Variants in FRAS1 observed in about 807,000 individuals in gnomAD.
FRAS1 encodes extracellular matrix organizing protein FRAS1.
In FRAS1, 290 loss-of-function variants were observed where a neutral mutation model predicts 435.2. The ratio of observed to expected loss-of-function variants is 0.67; its 90% CI spans 0.61 to 0.73. The LOEUF (loss-of-function observed/expected upper bound fraction) is 0.73, where lower values mean the gene tolerates loss of function less well. Ranked by LOEUF, FRAS1 falls within the 30% of genes least tolerant of loss-of-function variation. The pLI, the probability that FRAS1 is intolerant of heterozygous loss-of-function variation, is 0.00. For synonymous variants in FRAS1, 1,800 were observed against 1,851.0 expected (o/e 0.97, Z 0.71); for missense variants, 4,860 against 5,001.5 (o/e 0.97, Z 0.85).
chr4:78,316,390 T>C (rs977208127), intron 16 of FRAS1, among the ~76,000 whole-genome samples: 1 of 152,214 alleles, frequency 6.6e-6, no homozygotes. Context: ...GTCTACCTAC[T>C]GTCTGTTAGT....
intron 32 of FRAS1, among the ~76,000 whole-genome samples, chr4:78,415,248 T>A (rs185230366): frequency 1.4e-4 from 22 of 152,300 alleles, no homozygotes; most frequent in Non-Finnish European, 2.5e-4. Context: ...GATAAAAGAC[T>A]ACAAATTGAG....
intron 32 of FRAS1, among the ~76,000 whole-genome samples, chr4:78,417,027 T>A (rs1424125188): frequency 6.6e-6 from 1 of 152,234 alleles, no homozygotes; most frequent in Non-Finnish European, 1.5e-5. Context: ...CAATGATTTC[T>A]ATGAAGTTTA....
intron 2 of FRAS1, among the ~76,000 whole-genome samples, chr4:78,086,629 C>A (rs1184579445): frequency 6.6e-6 from 1 of 152,152 alleles, no homozygotes; most frequent in Non-Finnish European, 1.5e-5. Context: ...AAACTACCAT[C>A]AGAGAATACT....
rs1321917625 is a variant in FRAS1 at position 78,446,803 on chromosome 4, A to G, written c.5933A>G (p.Asn1978Ser). 6.2e-7 allele frequency: 1 copy of G among 1,613,332 alleles called. No homozygotes were observed. The highest frequency in any genetic ancestry group is 2.2e-5 in the East Asian group (1 of 44,852). Residue 1978 changes from asparagine (N) to serine (S), a missense_variant, in exon 43 of 74, where the codon AAT becomes AGT. By Grantham distance (46) the Asn-to-Ser change is conservative (BLOSUM62 1). Coordinates refer to ENST00000512123, the MANE Select transcript of FRAS1 (RefSeq NM_025074.7). The part of the protein sequence containing the change: ...VQLSSGVVIS[N>S]SSLSLQDLDT... ...CTGAGCTCGGGAGTGGTGATAAGCA[A>G]TTCTTCTTTGAGCCTGCAAGACCTG...
intron 14 of FRAS1, among the ~76,000 whole-genome samples, chr4:78,301,910 T>A (rs190680100): frequency 6.0e-5 from 9 of 150,332 alleles, no homozygotes; most frequent in Non-Finnish European, 8.8e-5. Context: ...ATGTGCTGGT[T>A]AGTTACATAC....
At chr4:78,143,441 A>T (rs1481371476) in intron 2 of FRAS1, among the ~76,000 whole-genome samples, 1 of 152,200 alleles carries the variant, frequency 6.6e-6, no homozygotes, top group African/African-American at 2.4e-5. Flanking sequence ...CAATCAGAGG[A>T]TATAGAAAAT....
At chr4:78,357,252 A>G (rs528747999) in intron 20 of FRAS1, among the ~76,000 whole-genome samples, 38 of 152,154 alleles carry the variant, frequency 2.5e-4, no homozygotes, top group African/African-American at 8.0e-4. Context: ...GCACCCTATC[A>G]TTATCCCTGT....
chr4:78,141,475 T>C lies in FRAS1; in HGVS notation c.108+75459T>C, dbSNP rs371315295. 5.9e-5 allele frequency among the ~76,000 whole-genome samples: 9 copies of C among 152,024 alleles called. No homozygotes were observed. In the East Asian group the frequency reaches 1.2e-3, roughly 20 times the overall value. On this transcript the variant is annotated intron_variant, in intron 2 of 73. Transcript: ENST00000512123. ...TCTCCCACTAAAAACAACTAGAAAA[T>C]ATGGAGAAAATATGAAAAATCTTCT... is the stretch of plus-strand genomic sequence containing the variant.
At chr4:78,177,473 A>C (rs1721824746) in intron 2 of FRAS1, among the ~76,000 whole-genome samples, 1 of 152,048 alleles carries the variant, frequency 6.6e-6, no homozygotes, top group East Asian at 1.9e-4. Flanking sequence ...GTGGTTGGGG[A>C]CATTGGTCTA....
chr4:78,237,638 C>G, intron 3 of FRAS1, 21 bp downstream of exon 3: 1 of 1,420,442 alleles, frequency 7.0e-7, no homozygotes, highest in South Asian at 1.3e-5. Context: ...CTAATTGTGT[C>G]CTAAATGTAT....
intron 2 of FRAS1, among the ~76,000 whole-genome samples, chr4:78,116,659 C>CT (rs1382105448): frequency 6.6e-6 from 1 of 152,048 alleles, no homozygotes; most frequent in Non-Finnish European, 1.5e-5. Context: ...CAATCCCTGC[C>CT]TTTTTTTGTT....
At chr4:78,467,356 A>G (rs1012147688) in intron 50 of FRAS1, among the ~76,000 whole-genome samples, 12 of 152,176 alleles carry the variant, frequency 7.9e-5, no homozygotes, top group African/African-American at 2.7e-4. Flanking sequence ...ATTTCACTTA[A>G]GGGAATGGCC....
At chr4:78,138,499 T>C (rs914526309) in intron 2 of FRAS1, among the ~76,000 whole-genome samples, 8 of 152,160 alleles carry the variant, frequency 5.3e-5, no homozygotes, top group African/African-American at 9.7e-5. Flanking sequence ...GGTTATGCAA[T>C]TTCTCTTAAC....
chr4:78,472,442 CT>C (rs1719739128), intron 52 of FRAS1, 112 bp downstream of exon 52: 3 of 908,450 alleles, frequency 3.3e-6, no homozygotes, highest in Non-Finnish European at 4.8e-6. Flanking sequence ...CAAGTAACCA[CT>C]TTGCAGAGAT....
chr4:78,489,368 G>A (rs79938709), intron 59 of FRAS1, among the ~76,000 whole-genome samples: 1,738 of 152,216 alleles, frequency 0.011, 29 homozygotes, highest in African/African-American at 0.04. Context: ...TGTATCACAT[G>A]CTGCATTCTC....
At chr4:78,454,173 T>TA (rs35377781) in intron 47 of FRAS1, among the ~76,000 whole-genome samples, 1,697 of 129,386 alleles carry the variant, frequency 0.013, 14 homozygotes, top group Middle Eastern at 0.028. Flanking sequence ...CGCTGATACA[T>TA]AAAAAAAAAA....
At chr4:78,298,066 TTA>T (rs150382170) in intron 14 of FRAS1, among the ~76,000 whole-genome samples, 44,795 of 142,288 alleles carry the variant, frequency 0.31, 7,578 homozygotes, top group Admixed American at 0.37. Context: ...CTAATCCTCT[TTA>T]TATATATATA....
intron 19 of FRAS1, among the ~76,000 whole-genome samples, 162 bp from the exon 20 acceptor site, chr4:78,337,512 T>G (rs1730215672): frequency 1.3e-5 from 2 of 152,236 alleles, no homozygotes; most frequent in African/African-American, 4.8e-5. Context: ...AAATGCAGTC[T>G]CTAGGTCAGG....
intron 12 of FRAS1, 80 bp from the exon 13 acceptor site, chr4:78,284,325 G>T: frequency 8.1e-7 from 1 of 1,240,268 alleles, no homozygotes; most frequent in Non-Finnish European, 1.1e-6. Context: ...TACATACTTT[G>T]TAGATTCTTT....
Sources: gnomAD v4.1 joint callset for allele counts (sites outside exome capture counted in the v4.1 genomes callset) on GRCh38, gnomAD v4.1.1 for gene constraint, MANE v1.5 for transcripts, NCBI Gene and HGNC (gene_info 2026-07-23, HGNC 2026-07-21) for gene names.